Variants in PLXNC1 observed in about 807,000 individuals in gnomAD.
PLXNC1 encodes plexin-C1.
PLXNC1 carries 75 observed loss-of-function variants against 178.2 expected under a neutral mutation model. The observed-to-expected ratio is 0.42, with a 90% CI of 0.35 to 0.51. The LOEUF (loss-of-function observed/expected upper bound fraction) is 0.51. Ranked by LOEUF, PLXNC1 falls within the 20% of genes least tolerant of loss-of-function variation. The pLI is 0.02. For missense variants in PLXNC1, 1,503 were observed against 1,984.4 expected (o/e 0.76, Z 4.61); for synonymous variants, 790 against 779.9 (o/e 1.01, Z -0.22).
intron 6 of PLXNC1, among the ~76,000 whole-genome samples, chr12:94,220,537 T>C (rs1963765583): frequency 6.6e-6 from 1 of 152,222 alleles, no homozygotes; most frequent in African/African-American, 2.4e-5. Flanking sequence ...TTTGAGTTCA[T>C]TGCATTCATA....
chr12:94,164,579 G>C (rs1961520458), intron 1 of PLXNC1, among the ~76,000 whole-genome samples: 1 of 152,096 alleles, frequency 6.6e-6, no homozygotes, highest in African/African-American at 2.4e-5. Flanking sequence ...CAATGGGAGA[G>C]TATTTATTGT....
At chr12:94,265,015 A>T in intron 20 of PLXNC1, 64 bp from the exon 21 acceptor site, 1 of 1,527,940 alleles carries the variant, frequency 6.5e-7, no homozygotes, top group Non-Finnish European at 9.0e-7. Flanking sequence ...CAGAAACTTT[A>T]ATTCTTTGGA....
At position 94,300,984 on chromosome 12, in the gene PLXNC1, T is replaced by C; in HGVS notation, c.4313T>C (p.Ile1438Thr). 1 of 1,613,850 alleles carries C rather than the reference T, an allele frequency of 6.2e-7. No homozygotes were observed. Among genetic ancestry groups the C allele is most frequent in the Non-Finnish European group, 8.5e-7 (1 of 1,179,794 alleles). The change falls in exon 28 of 31, where the codon ATA becomes ACA. Residue 1438 changes from isoleucine (I) to threonine (T), a missense_variant. Coordinates refer to ENST00000258526, the MANE Select transcript of PLXNC1 (RefSeq NM_005761.3). ...FVFDIKKTPH[I>T]DGCLSVIAQA... is the part of the protein sequence containing the mutation. ...TTTGACATTAAGAAGACACCACATA[T>C]AGACGGCTGTTTGTCAGTGATTGCC...
chr12:94,186,392 C>T lies in PLXNC1; in HGVS notation c.1358C>T (p.Ala453Val), dbSNP rs1354839412. The change falls in exon 4 of 31, where the codon GCA (alanine) becomes GTA (valine). Residue 453 changes from alanine to valine, a missense_variant. Physicochemically the swap from Ala to Val is moderately conservative, Grantham distance 64 (BLOSUM62 0). Around this residue, in one of 4 missense-constraint regions of PLXNC1, gnomAD observed 615 missense variants for 698.6 expected, o/e 0.88. Coordinates refer to ENST00000258526, the MANE Select transcript of PLXNC1 (RefSeq NM_005761.3). The part of the protein sequence containing the change: ...AGKEVRRIRV[A>V]NCNKHKSCSE... ...TTTTAGGTGAGGAGAATTCGTGTTG[C>T]AAACTGCAATAAACATAAATCCTGT... 6.2e-7 allele frequency: 1 copy of T among 1,613,056 alleles called. No homozygotes were observed. Among genetic ancestry groups the T allele is most frequent in the Non-Finnish European group, 8.5e-7 (1 of 1,179,146 alleles).
Position 94,279,554 on chromosome 12 carries a change from G to C in PLXNC1, c.3680G>C (p.Cys1227Ser). Residue 1227 changes from cysteine to serine, a missense_variant, in exon 22 of 31, where the codon TGT becomes TCT. By Grantham distance (112) the Cys-to-Ser change is moderately radical. Transcript: ENST00000258526. ...AATATTTCAGTCAATGTTCTCGACT[G>C]TGACACCATTGGCCAAGCCAAAGAA... ...CRNISVNVLD[C>S]DTIGQAKEKI... The C allele has an allele frequency of 6.2e-7, 1 of 1,614,176 alleles. No individual in the cohort carries two copies. Among genetic ancestry groups the C allele is most frequent in the South Asian group, 1.1e-5 (1 of 91,088 alleles).
intron 21 of PLXNC1, among the ~76,000 whole-genome samples, chr12:94,278,296 A>G (rs943240549): frequency 1.2e-4 from 18 of 152,372 alleles, no homozygotes; most frequent in Admixed American, 6.5e-4. Flanking sequence ...CTAAACTGCT[A>G]TGTTATGCTA....
At chr12:94,185,461 G>A (rs1962474766) in intron 3 of PLXNC1, among the ~76,000 whole-genome samples, 1 of 152,184 alleles carries the variant, frequency 6.6e-6, no homozygotes, top group Non-Finnish European at 1.5e-5. Flanking sequence ...CCTGCAGAAA[G>A]TGCTCTGTGT....
Position 94,210,828 on chromosome 12 carries a change from G to A in PLXNC1, c.1554+1124G>A, listed in dbSNP as rs533505713. ...TCCTGAATCAGAGTGAATAGATTTG[G>A]TGGAAAAGATTCTTAGGCATCTAAA... On this transcript the variant is annotated intron_variant, in intron 5 of 30. Coordinates refer to ENST00000258526, the MANE Select transcript of PLXNC1 (RefSeq NM_005761.3). Among the ~76,000 whole-genome samples the A allele has an allele frequency of 1.2e-4, 19 of 152,262 alleles. No homozygotes were observed. The South Asian group carries it at 3.1e-3, about 25-fold the overall frequency.
intron 4 of PLXNC1, among the ~76,000 whole-genome samples, chr12:94,197,434 C>CTCTCTCTCTCTCT (rs1565805265): frequency 2.8e-4 from 3 of 10,536 alleles, no homozygotes; most frequent in African/African-American, 6.4e-4. Flanking sequence ...ACATTAGGCC[C>CTCTCTCTCTCTCT]CTTTCTCTCT....
chr12:94,149,547 C>A lies in PLXNC1; in HGVS notation c.576C>A (p.Ser192Arg). The change falls in exon 1 of 31, where the codon AGC (serine) becomes AGA (arginine). Residue 192 changes from serine to arginine, a missense_variant. By Grantham distance (110) the Ser-to-Arg change is moderately radical. Coordinates refer to ENST00000258526, the MANE Select transcript of PLXNC1 (RefSeq NM_005761.3). ...TGCTGCCTGAGCCGGAGACGGCGAG[C>A]CGCTGCAACCCCGCGGCATCCGACC... ...TYVLPEPETA[S>R]RCNPAASDHD... The A allele has an allele frequency of 1.3e-6, 2 of 1,553,042 alleles. No homozygotes were observed. The highest frequency in any genetic ancestry group is 8.7e-7 in the Non-Finnish European group (1 of 1,154,328).
At chr12:94,183,149 T>A (rs1333071272) in intron 3 of PLXNC1, among the ~76,000 whole-genome samples, 4 of 152,236 alleles carry the variant, frequency 2.6e-5, no homozygotes, top group Non-Finnish European at 5.9e-5. Context: ...TTCCATTCTT[T>A]TCCTTTCAGT....
intron 20 of PLXNC1, chr12:94,262,465 T>A: frequency 1.0e-6 from 1 of 985,142 alleles, no homozygotes; most frequent in Non-Finnish European, 1.2e-6. Context: ...GTTCAGAAAA[T>A]CTGGGCTGCG....
chr12:94,292,652 A>G (rs2136196281), intron 23 of PLXNC1, among the ~76,000 whole-genome samples: 1 of 152,358 alleles, frequency 6.6e-6, no homozygotes, highest in East Asian at 1.9e-4. Context: ...CCATGTTTAA[A>G]CACAGAATTT....
intron 14 of PLXNC1, among the ~76,000 whole-genome samples, chr12:94,248,779 C>T (rs1964600005): frequency 6.6e-6 from 1 of 152,100 alleles, no homozygotes. Flanking sequence ...TTAGCAGAAA[C>T]CCAAAACAAA....
chr12:94,265,331 G>C (rs1014946019), intron 21 of PLXNC1, 106 bp downstream of exon 21: 2 of 980,390 alleles, frequency 2.0e-6, no homozygotes, highest in African/African-American at 3.2e-5. Flanking sequence ...TCTACTGCGG[G>C]AGGCCCTGTG....
chr12:94,259,149 C>T (rs543091771), intron 17 of PLXNC1, among the ~76,000 whole-genome samples, 188 bp from the exon 18 acceptor site: 2 of 152,240 alleles, frequency 1.3e-5, no homozygotes, highest in Admixed American at 1.3e-4. Flanking sequence ...AATTCAGTGG[C>T]GTTTCTTGAA....
chr12:94,239,097 G>A (rs1336391250), intron 10 of PLXNC1, among the ~76,000 whole-genome samples: 2 of 152,172 alleles, frequency 1.3e-5, no homozygotes, highest in South Asian at 2.1e-4. Context: ...TTTTAATTCC[G>A]AATGTGTCTT....
At chr12:94,211,049 A>G (rs1363271840) in intron 5 of PLXNC1, among the ~76,000 whole-genome samples, 5 of 152,246 alleles carry the variant, frequency 3.3e-5, no homozygotes, top group African/African-American at 4.8e-5. Flanking sequence ...AGCTAAATGT[A>G]GTGGGAGGAA....
chr12:94,244,574 C>T (rs1182017682), intron 12 of PLXNC1, among the ~76,000 whole-genome samples: 1 of 152,222 alleles, frequency 6.6e-6, no homozygotes, highest in Non-Finnish European at 1.5e-5. Context: ...CTGGTTTCCA[C>T]CTTTGCCCGA....
Sources: gnomAD v4.1 joint callset for allele counts (sites outside exome capture counted in the v4.1 genomes callset) on GRCh38, gnomAD v4.1.1 for gene constraint, gnomAD v4.1.1 regional missense constraint, MANE v1.5 for transcripts, NCBI Gene and HGNC (gene_info 2026-07-23, HGNC 2026-07-21) for gene names.